LINGO2: variants seen among roughly 807,000 people sequenced by gnomAD.
LINGO2 encodes leucine-rich repeat and immunoglobulin-like domain-containing nogo receptor-interacting protein 2.
In LINGO2, 14 loss-of-function variants were observed where a neutral mutation model predicts 30.6. The ratio of observed to expected loss-of-function variants is 0.46; its 90% CI spans 0.30 to 0.72. The LOEUF (loss-of-function observed/expected upper bound fraction) is 0.72, where lower values mean the gene tolerates loss of function less well. LINGO2 is among the 30% of genes least tolerant of loss of function. LINGO2 has a pLI of 0.07. For missense variants in LINGO2, 729 were observed against 751.7 expected (o/e 0.97, Z 0.35); for synonymous variants, 317 against 288.5 (o/e 1.10, Z -1.00).
At chr9:27,947,509 A>G (rs1397934317), downstream of LINGO2, among the ~76,000 whole-genome samples, 1 of 152,208 alleles carries the variant, frequency 6.6e-6, no homozygotes, top group Non-Finnish European at 1.5e-5. Flanking sequence ...AGAAAACAAG[A>G]CAAATTCCTC....
rs1270566826 is a variant in LINGO2, at chr9:28,633,277, C to T, written c.-365+36923G>A. ...AATACTTTGTATCCCTCAATTCAGTCAAGTTGACACTCAGTATTAACTATC... is the reference window on the plus strand; with the variant it reads ...AATACTTTGTATCCCTCAATTCAGTTAAGTTGACACTCAGTATTAACTATC... On this transcript the variant is annotated intron_variant, in intron 1 of 5. Coordinates refer to ENST00000379992, the Ensembl canonical transcript of LINGO2. 5.3e-5 allele frequency among the ~76,000 whole-genome samples: 8 copies of T among 152,120 alleles called. No homozygotes were observed. The East Asian group carries it at 1.6e-3, about 29-fold the overall frequency.
the LINGO2 span, among the ~76,000 whole-genome samples, chr9:28,796,487 T>C: frequency 6.6e-6 from 1 of 152,098 alleles, no homozygotes; most frequent in Admixed American, 6.6e-5. Flanking sequence ...CCTATATAAA[T>C]GAGTGCTTAA....
chr9:28,759,920 T>A, the LINGO2 span, among the ~76,000 whole-genome samples: 1 of 151,990 alleles, frequency 6.6e-6, no homozygotes, highest in Non-Finnish European at 1.5e-5. Context: ...GGCTATTCAG[T>A]CCAATAAACA....
the LINGO2 span, among the ~76,000 whole-genome samples, chr9:28,813,171 T>G: frequency 6.6e-6 from 1 of 151,870 alleles, no homozygotes; most frequent in Admixed American, 6.6e-5. Context: ...AGAACATTGA[T>G]GTCAAGTGAG....
intron 4 of LINGO2, among the ~76,000 whole-genome samples, chr9:28,224,105 C>T (rs949454259): frequency 2.0e-5 from 3 of 152,112 alleles, no homozygotes; most frequent in African/African-American, 7.2e-5. Flanking sequence ...CACTCTGTAG[C>T]CCAGGCTGGA....
At chr9:29,014,755 C>A in the LINGO2 span, among the ~76,000 whole-genome samples, 1 of 152,108 alleles carries the variant, frequency 6.6e-6, no homozygotes, top group Non-Finnish European at 1.5e-5. Flanking sequence ...GGACTTGGTA[C>A]TGCGGTGGAA....
chr9:28,692,730 C>A, the LINGO2 span, among the ~76,000 whole-genome samples: 3 of 152,054 alleles, frequency 2.0e-5, no homozygotes, highest in Non-Finnish European at 4.4e-5. Flanking sequence ...AAGAAAATTG[C>A]CTCATGTTGG....
chr9:28,356,332 T>A (rs543872216), intron 3 of LINGO2, among the ~76,000 whole-genome samples: 1 of 152,244 alleles, frequency 6.6e-6, no homozygotes, highest in South Asian at 2.1e-4. Context: ...ACCTCCTAGG[T>A]TTGTAGACCC....
At chr9:28,981,228 G>A in the LINGO2 span, among the ~76,000 whole-genome samples, 1 of 152,054 alleles carries the variant, frequency 6.6e-6, no homozygotes, top group East Asian at 1.9e-4. Context: ...TGCTATCTCT[G>A]GGAATATGAA....
At chr9:28,431,125 T>C (rs1335219406) in intron 2 of LINGO2, among the ~76,000 whole-genome samples, 2 of 148,708 alleles carry the variant, frequency 1.3e-5, no homozygotes, top group African/African-American at 5.0e-5. Flanking sequence ...AAAAGCCACA[T>C]CCCATCACAT....
chr9:27,977,658 T>G (rs1820664946), intron 5 of LINGO2, among the ~76,000 whole-genome samples: 1 of 151,820 alleles, frequency 6.6e-6, no homozygotes, highest in African/African-American at 2.4e-5. Context: ...TGTTAAATAT[T>G]TTACTACTGT....
intron 1 of LINGO2, among the ~76,000 whole-genome samples, chr9:28,628,855 G>T (rs1181589077): frequency 6.6e-6 from 1 of 152,056 alleles, no homozygotes; most frequent in Non-Finnish European, 1.5e-5. Context: ...TGTGTTATCA[G>T]CTAATGCCTC....
chr9:28,084,348 A>G (rs1825851383), intron 4 of LINGO2, among the ~76,000 whole-genome samples: 1 of 152,120 alleles, frequency 6.6e-6, no homozygotes, highest in African/African-American at 2.4e-5. Flanking sequence ...TCACATGGTA[A>G]TTTGAGACAG....
intron 4 of LINGO2, among the ~76,000 whole-genome samples, chr9:28,279,876 C>A (rs1183896983): frequency 6.6e-6 from 1 of 152,132 alleles, no homozygotes; most frequent in Non-Finnish European, 1.5e-5. Flanking sequence ...TTTTAGAATA[C>A]ACCATATTCA....
chr9:28,183,399 T>G (rs1819428538), intron 4 of LINGO2, among the ~76,000 whole-genome samples: 1 of 151,952 alleles, frequency 6.6e-6, no homozygotes, highest in South Asian at 2.1e-4. Context: ...TACCTGCACA[T>G]TATGCACGTT....
At chr9:28,355,305 C>G (rs13299612) in intron 3 of LINGO2, among the ~76,000 whole-genome samples, 419 of 25,618 alleles carry the variant, frequency 0.016, 10 homozygotes, top group Non-Finnish European at 0.022. Context: ...CTATGTCTCT[C>G]TCTCTCTCTC....
chr9:28,826,991 C>T, the LINGO2 span, among the ~76,000 whole-genome samples: 3 of 152,166 alleles, frequency 2.0e-5, no homozygotes, highest in Non-Finnish European at 2.9e-5. Context: ...CTTAAAACCA[C>T]GTCCCAGTGT....
At chr9:29,145,764 T>A in the LINGO2 span, among the ~76,000 whole-genome samples, 1 of 152,154 alleles carries the variant, frequency 6.6e-6, no homozygotes, top group Non-Finnish European at 1.5e-5. Flanking sequence ...GAACATTAGG[T>A]TTTGTTTGAT....
chr9:29,020,025 T>G, the LINGO2 span, among the ~76,000 whole-genome samples: 8 of 152,210 alleles, frequency 5.3e-5, no homozygotes, highest in African/African-American at 1.9e-4. Flanking sequence ...AGATAGCATG[T>G]GATGGCTGAA....
Sources: gnomAD v4.1 joint callset for allele counts (sites outside exome capture counted in the v4.1 genomes callset) on GRCh38, gnomAD v4.1.1 for gene constraint, MANE v1.5 for transcripts, NCBI Gene and HGNC (gene_info 2026-07-23, HGNC 2026-07-21) for gene names.